Variants in GLO1 observed in about 807,000 individuals in gnomAD.
The protein encoded by GLO1 is glyoxalase I, also known as lactoylglutathione lyase.
GLO1 carries 28 observed loss-of-function variants against 26.0 expected under a neutral mutation model. The ratio of observed to expected loss-of-function variants is 1.08; its 90% CI spans 0.80 to 1.48. The LOEUF is 1.48. Ranked by LOEUF, GLO1 falls within the 40% of genes most tolerant of loss-of-function variation. The pLI is 0.00. For synonymous variants in GLO1, 78 were observed against 77.6 expected, an observed-to-expected ratio of 1.00 and a Z score of -0.03; for missense variants, 225 against 224.8, an observed-to-expected ratio of 1.00 and a Z score of -0.01.
chr6:38,693,679 CTCTCTCTATA>C lies in GLO1; in HGVS notation c.85-6715_85-6706del, dbSNP rs751808972. The stretch of plus-strand genomic sequence containing the variant: ...TTCAGCTCTCTCTCTCTCTCTCTCT[CTCTCTCTATA>C]TATATATATATATATATTTGTTTTG... On this transcript the variant is annotated intron_variant, in intron 1 of 5. Coordinates refer to ENST00000373365, the MANE Select transcript of GLO1 (RefSeq NM_006708.3). Among the ~76,000 whole-genome samples, 439 of 96,372 alleles carry C rather than the reference CTCTCTCTATA, an allele frequency of 4.6e-3. 3 individuals are homozygous for C. Among genetic ancestry groups the C allele is most frequent in the African/African-American group, 0.017 (393 of 22,912 alleles). 63.2% of individuals were successfully genotyped at this position (96,372 alleles called of 152,430 possible).
In GLO1 at chr6:38,677,965, G is replaced by A. The variant is rs1463757157; in HGVS notation, c.467-582C>T. ...ATGATACCACACTACCAGTTCAGTA[G>A]TTACAGAAATTGTCTTATTTTAAAG... On this transcript the variant is annotated intron_variant, in intron 5 of 5. Coordinates refer to ENST00000373365, the MANE Select transcript of GLO1 (RefSeq NM_006708.3). Among the ~76,000 whole-genome samples the A allele has an allele frequency of 3.3e-5, 5 of 152,110 alleles. No homozygotes were observed. In the East Asian group the frequency reaches 7.7e-4, roughly 23 times the overall value.
Position 38,701,162 on chromosome 6 carries a change from G to T in GLO1, c.84+1809C>A, listed in dbSNP as rs77561983. ...CACCCCAGAAGCAGAACAGGGTGGA[G>T]GTTGGAAGTGTGGGGTCCTCCCTGG... On this transcript the variant is annotated intron_variant, in intron 1 of 5. Coordinates refer to ENST00000373365, the MANE Select transcript of GLO1 (RefSeq NM_006708.3). Among the ~76,000 whole-genome samples the T allele has an allele frequency of 2.8e-4, 42 of 147,686 alleles. No individual in the cohort carries two copies. The East Asian group carries it at 6.4e-3, about 22-fold the overall frequency.
intron 5 of GLO1, among the ~76,000 whole-genome samples, chr6:38,679,327 T>C (rs1761330954): frequency 6.6e-6 from 1 of 151,898 alleles, no homozygotes; most frequent in Non-Finnish European, 1.5e-5. Context: ...AAACAAGGTC[T>C]TCCTATGTCA....
chr6:38,686,459 T>C (rs751375280), intron 2 of GLO1, among the ~76,000 whole-genome samples: 26 of 152,210 alleles, frequency 1.7e-4, no homozygotes, highest in Non-Finnish European at 3.4e-4. Flanking sequence ...GATCAGTGGA[T>C]ATGACCTGTT....
chr6:38,680,350 C>A (rs550165543), intron 5 of GLO1, among the ~76,000 whole-genome samples: 1 of 151,944 alleles, frequency 6.6e-6, no homozygotes, highest in South Asian at 2.1e-4. Context: ...GGAGAAACCC[C>A]GTCTCTACTA....
At chr6:38,682,146 A>G in intron 4 of GLO1, 45 bp from the exon 5 acceptor site, 2 of 1,032,428 alleles carry the variant, frequency 1.9e-6, no homozygotes, top group Non-Finnish European at 3.1e-6. Flanking sequence ...GGAAGAAATA[A>G]TTATAACAGG....
rs1403502571 is a variant in GLO1, at chr6:38,698,665, T to TC, written c.84+4305_84+4306insG. ...TGGAAGGAGAACCTGACCTTTTTTT[T>TC]TTTTTTTTTTTTGAGACGGAGTCTC... is the stretch of plus-strand genomic sequence containing the variant. On this transcript the variant is annotated intron_variant, in intron 1 of 5. Coordinates refer to ENST00000373365, the MANE Select transcript of GLO1 (RefSeq NM_006708.3). Among the ~76,000 whole-genome samples the TC allele has an allele frequency of 2.5e-4, 37 of 145,856 alleles. No individual in the cohort carries two copies. In the East Asian group the frequency reaches 7.3e-3, roughly 29 times the overall value.
At chr6:38,688,317 T>G (rs1239087608) in intron 1 of GLO1, among the ~76,000 whole-genome samples, 2 of 152,188 alleles carry the variant, frequency 1.3e-5, no homozygotes, top group East Asian at 1.9e-4. Flanking sequence ...AAAGTAGCTC[T>G]GCACATCCAA....
intron 2 of GLO1, 34 bp downstream of exon 2, chr6:38,686,858 T>C: frequency 8.8e-7 from 1 of 1,133,962 alleles, no homozygotes; most frequent in Non-Finnish European, 1.3e-6. Context: ...GCTATATATT[T>C]AAACATTAAG....
intron 1 of GLO1, among the ~76,000 whole-genome samples, chr6:38,688,271 A>G (rs1761482831): frequency 6.6e-6 from 1 of 152,162 alleles, no homozygotes; most frequent in Non-Finnish European, 1.5e-5. Flanking sequence ...CTACAGTCCT[A>G]AAGGTCTCGA....
chr6:38,697,531 G>C (rs1285151465), intron 1 of GLO1, among the ~76,000 whole-genome samples: 1 of 152,190 alleles, frequency 6.6e-6, no homozygotes, highest in East Asian at 1.9e-4. Flanking sequence ...AGTTATAAGA[G>C]TCACTACAAT....
At chr6:38,701,903 A>G (rs1761705336) in intron 1 of GLO1, among the ~76,000 whole-genome samples, 1 of 152,090 alleles carries the variant, frequency 6.6e-6, no homozygotes, top group Admixed American at 6.5e-5. Flanking sequence ...ACTTCACTGG[A>G]ATAAACAGCG....
At chr6:38,692,052 T>C (rs1188839130) in intron 1 of GLO1, among the ~76,000 whole-genome samples, 3 of 151,572 alleles carry the variant, frequency 2.0e-5, no homozygotes, top group African/African-American at 4.9e-5. Context: ...ATTCTAGTTT[T>C]TTTGCCTTTC....
intron 5 of GLO1, 107 bp downstream of exon 5, chr6:38,681,904 AC>A: frequency 1.5e-6 from 1 of 673,078 alleles, no homozygotes; most frequent in Non-Finnish European, 2.7e-6. Flanking sequence ...TGAAGTGGAG[AC>A]TTCTGTTACT....
intron 1 of GLO1, among the ~76,000 whole-genome samples, chr6:38,692,884 T>C (rs1350212755): frequency 6.6e-6 from 1 of 150,610 alleles, no homozygotes. Flanking sequence ...AAACCTCACT[T>C]GGTTAAGGTG....
chr6:38,689,327 G>GT (rs1332381717), intron 1 of GLO1, among the ~76,000 whole-genome samples: 4 of 152,120 alleles, frequency 2.6e-5, no homozygotes, highest in Non-Finnish European at 5.9e-5. Context: ...TTGTTGCTCA[G>GT]TTTTTTTAAA....
intron 1 of GLO1, among the ~76,000 whole-genome samples, chr6:38,696,185 C>T (rs1761608744): frequency 6.6e-6 from 1 of 151,294 alleles, no homozygotes; most frequent in South Asian, 2.1e-4. Flanking sequence ...TGTCTATTTT[C>T]AGGATGAATC....
At chr6:38,695,652 C>A (rs1333413624) in intron 1 of GLO1, among the ~76,000 whole-genome samples, 2 of 152,132 alleles carry the variant, frequency 1.3e-5, no homozygotes, top group African/African-American at 4.8e-5. Context: ...GAAGGCTGGG[C>A]AGCTCATTAC....
intron 2 of GLO1, among the ~76,000 whole-genome samples, chr6:38,684,986 G>A (rs553735091): frequency 6.6e-6 from 1 of 152,322 alleles, no homozygotes; most frequent in South Asian, 2.1e-4. Context: ...AAGAAAGAAG[G>A]AGGAAGGACA....
Sources: allele counts gnomAD v4.1 joint callset (sites outside exome capture counted in the v4.1 genomes callset), GRCh38; gene constraint gnomAD v4.1.1; transcripts MANE v1.5; gene names NCBI Gene and HGNC (gene_info 2026-07-23, HGNC 2026-07-21).